Variants in NRXN1 observed in about 807,000 individuals in gnomAD.
The protein encoded by NRXN1 is neurexin 1.
A neutral mutation model predicts 150.9 loss-of-function variants in NRXN1; 39 were observed. The observed-to-expected ratio is 0.26, with a 90% CI of 0.20 to 0.34. The LOEUF (loss-of-function observed/expected upper bound fraction) is 0.34, where lower values mean the gene tolerates loss of function less well. Among genes scored for constraint, NRXN1 ranks in the 10% least tolerant of loss-of-function variants. NRXN1 has a pLI of 1.00. For missense variants in NRXN1, 1,815 were observed against 1,949.9 expected, an observed-to-expected ratio of 0.93 and a Z score of 1.30; for synonymous variants, 924 against 757.0, an observed-to-expected ratio of 1.22 and a Z score of -3.62.
intron 21 of NRXN1, chr2:49,966,822 A>T (rs562483120): frequency 3.5e-4 from 53 of 152,254 alleles, no homozygotes; most frequent in African/African-American, 1.2e-3. Flanking sequence ...TGGGCTGGGG[A>T]TCATATAGAT....
chr2:50,838,754 C>A (rs1420169470), intron 5 of NRXN1, among the ~76,000 whole-genome samples: 1 of 152,062 alleles, frequency 6.6e-6, no homozygotes, highest in East Asian at 1.9e-4. Context: ...TTAAAAGAAG[C>A]AGAGAATAAT....
At chr2:50,970,029 G>A (rs1281787438) in intron 2 of NRXN1, among the ~76,000 whole-genome samples, 1 of 152,104 alleles carries the variant, frequency 6.6e-6, no homozygotes, top group Non-Finnish European at 1.5e-5. Context: ...GCCTCTTTAA[G>A]CCTGCATTCC....
chr2:50,555,548 A>G (rs1266260186), intron 8 of NRXN1, among the ~76,000 whole-genome samples: 1 of 152,188 alleles, frequency 6.6e-6, no homozygotes, highest in Non-Finnish European at 1.5e-5. Context: ...AATGCTTTAT[A>G]TGCTTTACAC....
chr2:50,077,093 G>C (rs567601742), intron 19 of NRXN1, among the ~76,000 whole-genome samples: 6 of 152,136 alleles, frequency 3.9e-5, no homozygotes, highest in Non-Finnish European at 7.4e-5. Context: ...GATACTGTAA[G>C]CTGTCTTATA....
chr2:50,644,465 C>G (rs999287438), intron 5 of NRXN1, among the ~76,000 whole-genome samples: 1 of 151,412 alleles, frequency 6.6e-6, no homozygotes, highest in Non-Finnish European at 1.5e-5. Flanking sequence ...GAAATAAATA[C>G]AAAAATTAAC....
At chr2:50,054,079 G>A (rs963203685) in intron 20 of NRXN1, among the ~76,000 whole-genome samples, 1 of 151,968 alleles carries the variant, frequency 6.6e-6, no homozygotes, top group Non-Finnish European at 1.5e-5. Context: ...CTTTAGTGCT[G>A]TTTATTTTTT....
intron 5 of NRXN1, among the ~76,000 whole-genome samples, chr2:50,800,953 T>C (rs1009807701): frequency 3.9e-5 from 6 of 152,194 alleles, no homozygotes; most frequent in Admixed American, 1.3e-4. Context: ...TAGTAAACTT[T>C]ATTTTACGTC....
intron 5 of NRXN1, among the ~76,000 whole-genome samples, chr2:50,636,038 T>A (rs979603794): frequency 6.6e-6 from 1 of 152,152 alleles, no homozygotes; most frequent in African/African-American, 2.4e-5. Context: ...TTTTAAAAAA[T>A]CAGCTTTTTA....
intron 18 of NRXN1, among the ~76,000 whole-genome samples, chr2:50,192,653 C>T (rs560706879): frequency 6.6e-6 from 1 of 152,238 alleles, no homozygotes; most frequent in Non-Finnish European, 1.5e-5. Flanking sequence ...GTCACCCAGG[C>T]TAGAGTGTAG....
At chr2:50,231,976 C>A (rs1241914282) in intron 18 of NRXN1, among the ~76,000 whole-genome samples, 1 of 152,088 alleles carries the variant, frequency 6.6e-6, no homozygotes, top group Non-Finnish European at 1.5e-5. Flanking sequence ...TTGTGTAACA[C>A]TTCACAGTTT....
rs1006897355 is a variant in NRXN1 at position 50,083,253 on chromosome 2, A to C, written c.3718+8070T>G. On this transcript the variant is annotated intron_variant, in intron 19 of 22. Transcript: ENST00000401669. ...AAGATTTCAATTTAAGGAATGAAGC[A>C]GTTAAGCCTAGTTGATATAATATCC... Among the ~76,000 whole-genome samples, 13 of 152,388 alleles carry C rather than the reference A, an allele frequency of 8.5e-5. 1 individual carries two copies. In the East Asian group the frequency reaches 2.5e-3, roughly 29 times the overall value.
At chr2:50,637,916 C>A in intron 5 of NRXN1, among the ~76,000 whole-genome samples, 1 of 152,058 alleles carries the variant, frequency 6.6e-6, no homozygotes, top group African/African-American at 2.4e-5. Flanking sequence ...TTATTACCAT[C>A]TCTTTTTTAG....
At chr2:49,980,216 A>G (rs1679763682) in intron 21 of NRXN1, among the ~76,000 whole-genome samples, 1 of 152,180 alleles carries the variant, frequency 6.6e-6, no homozygotes, top group Non-Finnish European at 1.5e-5. Context: ...TATTATGCAT[A>G]AGAACCAACA....
intron 5 of NRXN1, among the ~76,000 whole-genome samples, chr2:50,920,514 G>A (rs1413736892): frequency 6.6e-6 from 1 of 151,666 alleles, no homozygotes; most frequent in Admixed American, 6.6e-5. Flanking sequence ...ATACACATAT[G>A]CATACATACA....
At chr2:50,422,906 C>T (rs958172334) in intron 17 of NRXN1, among the ~76,000 whole-genome samples, 2 of 152,124 alleles carry the variant, frequency 1.3e-5, no homozygotes, top group African/African-American at 4.8e-5. Flanking sequence ...TATGAAAGTG[C>T]ACTTTAACTT....
chr2:51,006,936 T>C (rs1237214067), intron 2 of NRXN1, among the ~76,000 whole-genome samples: 2 of 151,940 alleles, frequency 1.3e-5, no homozygotes, highest in African/African-American at 4.8e-5. Context: ...CATCACTCTG[T>C]ATCGTGGCTG....
chr2:50,998,463 C>T (rs751468079), intron 2 of NRXN1, among the ~76,000 whole-genome samples: 97 of 152,100 alleles, frequency 6.4e-4, no homozygotes, highest in Non-Finnish European at 1.1e-3. Context: ...TTTGTATATT[C>T]GCAAATCATA....
intron 5 of NRXN1, among the ~76,000 whole-genome samples, chr2:50,653,160 A>T (rs1205116533): frequency 6.6e-6 from 1 of 152,062 alleles, no homozygotes; most frequent in African/African-American, 2.4e-5. Flanking sequence ...GAAGTTACTG[A>T]TACCATATGT....
intron 18 of NRXN1, among the ~76,000 whole-genome samples, chr2:50,148,165 C>A (rs953521174): frequency 3.3e-5 from 5 of 151,434 alleles, no homozygotes; most frequent in African/African-American, 1.2e-4. Context: ...GAGTGTGAAA[C>A]TAATTTTTTT....
Sources: allele counts gnomAD v4.1 joint callset (sites outside exome capture counted in the v4.1 genomes callset), GRCh38; gene constraint gnomAD v4.1.1; transcripts MANE v1.5; gene names NCBI Gene and HGNC (gene_info 2026-07-23, HGNC 2026-07-21).